Variants in PLB1 observed in about 807,000 individuals in gnomAD.
PLB1 encodes the protein phospholipase B1, membrane-associated.
A neutral mutation model predicts 227.4 loss-of-function variants in PLB1; 242 were observed. That is an observed-to-expected ratio of 1.06 (90% confidence interval 0.96 to 1.18). The LOEUF is 1.18. PLB1 is among the 50% of genes most tolerant of loss of function. The probability of loss-of-function intolerance (pLI) is 0.00; values close to 1 mark genes in which losing one functional copy is unlikely to be tolerated. For synonymous variants in PLB1, 757 were observed against 682.2 expected, an observed-to-expected ratio of 1.11 and a Z score of -1.71; for missense variants, 1,858 against 1,816.3, an observed-to-expected ratio of 1.02 and a Z score of -0.42.
intron 41 of PLB1, 76 bp from the exon 42 acceptor site, chr2:28,605,777 T>C: frequency 8.2e-7 from 1 of 1,216,284 alleles, no homozygotes; most frequent in Non-Finnish European, 1.2e-6. Context: ...GAGTGGTCAG[T>C]CCCAGGGCCA....
chr2:28,638,373 A>G (rs1490768542), intron 56 of PLB1, among the ~76,000 whole-genome samples: 2 of 152,120 alleles, frequency 1.3e-5, no homozygotes, highest in African/African-American at 4.8e-5. Flanking sequence ...TTAAAGGCCA[A>G]TGTGACCAGA....
intron 44 of PLB1, among the ~76,000 whole-genome samples, chr2:28,615,243 G>A (rs1450840388): frequency 6.6e-6 from 1 of 152,062 alleles, no homozygotes; most frequent in Admixed American, 6.6e-5. Flanking sequence ...AGAATGAGGT[G>A]GAGAGTGGGG....
rs1427103163 is a variant in PLB1, at chr2:28,541,775, G to C, written c.843G>C (p.Gln281His). Residue 281 changes from glutamine to histidine, a missense_variant, in exon 13 of 58, where the codon CAG becomes CAC. Gln to His is a conservative substitution (Grantham distance 24, BLOSUM62 0). Transcript: ENST00000327757. The part of the protein sequence containing the change: ...SEQESFTVVF[Q>H]PFFYETTPSL... ...AGGAGTCCTTCACCGTGGTTTTCCA[G>C]CCTTTCTTCTATGAGACCACCCCAT... 6.2e-7 allele frequency: 1 copy of C among 1,612,410 alleles called. No individual in the cohort carries two copies. Among genetic ancestry groups the C allele is most frequent in the Non-Finnish European group, 8.5e-7 (1 of 1,179,486 alleles).
At chr2:28,500,467 G>A (rs1666957307) in intron 1 of PLB1, among the ~76,000 whole-genome samples, 1 of 152,084 alleles carries the variant, frequency 6.6e-6, no homozygotes, top group Non-Finnish European at 1.5e-5. Context: ...GTGATTTTTA[G>A]CATCCATTGA....
chr2:28,522,818 T>G (rs1669699931), intron 4 of PLB1, among the ~76,000 whole-genome samples: 1 of 152,180 alleles, frequency 6.6e-6, no homozygotes, highest in South Asian at 2.1e-4. Context: ...GATAAAAACC[T>G]GAAAGCACAA....
At chr2:28,545,063 C>A (rs765326715) in intron 14 of PLB1, among the ~76,000 whole-genome samples, 1 of 152,164 alleles carries the variant, frequency 6.6e-6, no homozygotes. Flanking sequence ...GTACACCCCA[C>A]GTACGGTCTC....
At chr2:28,617,817 T>G (rs1573467360) in intron 45 of PLB1, 30 bp downstream of exon 45, 2 of 1,600,070 alleles carry the variant, frequency 1.2e-6, no homozygotes, top group Admixed American at 1.7e-5. Flanking sequence ...TCTCCTTCAA[T>G]TAAGGGCCTT....
intron 28 of PLB1, 45 bp downstream of exon 28, chr2:28,589,815 A>G (rs752442226): frequency 4.4e-6 from 7 of 1,573,146 alleles, no homozygotes; most frequent in Non-Finnish European, 6.1e-6. Context: ...CTGGTAAGAA[A>G]AAGACTTCAC....
chr2:28,628,664 G>A, intron 52 of PLB1, 36 bp downstream of exon 52: 1 of 1,601,392 alleles, frequency 6.2e-7, no homozygotes, highest in Non-Finnish European at 8.6e-7. Flanking sequence ...GGTCCCGCCA[G>A]CCACCTCCCT....
At chr2:28,516,710 G>A in intron 1 of PLB1, 98 bp from the exon 2 acceptor site, 1 of 1,053,386 alleles carries the variant, frequency 9.5e-7, no homozygotes, top group Non-Finnish European at 1.5e-6. Flanking sequence ...ACTGAGCTGG[G>A]CACACAGATA....
chr2:28,639,732 G>C (rs1689768875), intron 56 of PLB1, among the ~76,000 whole-genome samples: 1 of 152,176 alleles, frequency 6.6e-6, no homozygotes, highest in East Asian at 1.9e-4. Context: ...CATTTATTCT[G>C]TCACTGTTAC....
intron 1 of PLB1, among the ~76,000 whole-genome samples, chr2:28,512,601 C>T (rs1668408953): frequency 6.6e-6 from 1 of 151,292 alleles, no homozygotes; most frequent in African/African-American, 2.5e-5. Flanking sequence ...TTTTTAATAA[C>T]TTGCCTGGAC....
rs560574603 is a variant in PLB1, at chr2:28,571,897, G to A, written c.1325-1300G>A. Among the ~76,000 whole-genome samples the A allele has an allele frequency of 2.0e-5, 3 of 152,180 alleles. No homozygotes were observed. The South Asian group carries it at 6.2e-4, about 31-fold the overall frequency. On this transcript the variant is annotated intron_variant, in intron 20 of 57. Coordinates refer to ENST00000327757, the MANE Select transcript of PLB1 (RefSeq NM_153021.5). ...AGCTAAACAAAGTCTTCTTAGATAT[G>A]CCACTAAGACAAGTGACAAAAGAAA... is the stretch of plus-strand genomic sequence containing the variant.
At chr2:28,641,915 C>G (rs1690015785) in intron 57 of PLB1, among the ~76,000 whole-genome samples, 1 of 152,240 alleles carries the variant, frequency 6.6e-6, no homozygotes, top group East Asian at 1.9e-4. Flanking sequence ...TGACCAGAGT[C>G]TGGAGGGAGG....
At chr2:28,516,934 T>A in intron 2 of PLB1, 65 bp downstream of exon 2, 2 of 1,519,350 alleles carry the variant, frequency 1.3e-6, no homozygotes, top group Non-Finnish European at 1.8e-6. Flanking sequence ...TTCCTTGTAG[T>A]GGGTAAACCC....
intron 6 of PLB1, among the ~76,000 whole-genome samples, chr2:28,528,298 G>C (rs974203057): frequency 1.4e-4 from 22 of 152,176 alleles, no homozygotes; most frequent in Non-Finnish European, 2.8e-4. Flanking sequence ...AAGGGGAGTT[G>C]GGGGGAGGAG....
chr2:28,538,227 C>T (rs1004679666), intron 9 of PLB1, 92 bp from the exon 10 acceptor site: 12 of 1,511,484 alleles, frequency 7.9e-6, no homozygotes, highest in Non-Finnish European at 1.0e-5. Context: ...TGTGGTCTTG[C>T]CTGGCAGGGA....
intron 53 of PLB1, 49 bp downstream of exon 53, chr2:28,629,234 G>A (rs1213917926): frequency 1.3e-6 from 2 of 1,565,748 alleles, no homozygotes; most frequent in Non-Finnish European, 1.7e-6. Flanking sequence ...GGGGTGAGGA[G>A]GGCTTGCAGG....
At chr2:28,574,438 A>G (rs1454740440) in intron 21 of PLB1, among the ~76,000 whole-genome samples, 1 of 139,164 alleles carries the variant, frequency 7.2e-6, no homozygotes, top group African/African-American at 2.7e-5. Flanking sequence ...GCTGGAGTAC[A>G]GTAGTGTGAT....
Sources: allele counts gnomAD v4.1 joint callset (sites outside exome capture counted in the v4.1 genomes callset), GRCh38; gene constraint gnomAD v4.1.1; transcripts MANE v1.5; gene names NCBI Gene and HGNC (gene_info 2026-07-23, HGNC 2026-07-21).